The following TMEM161B variants were observed in gnomAD, a reference collection of about 807,000 sequenced individuals.
TMEM161B encodes the protein transmembrane protein 161B.
A neutral mutation model predicts 61.8 loss-of-function variants in TMEM161B; 34 were observed. The observed-to-expected ratio is 0.55, with a 90% CI of 0.42 to 0.73. The LOEUF is 0.73. Among genes scored for constraint, TMEM161B ranks in the 30% least tolerant of loss-of-function variants. The pLI is 0.00. For synonymous variants in TMEM161B, 167 were observed against 192.8 expected (o/e 0.87, Z 1.11); for missense variants, 456 against 558.5 (o/e 0.82, Z 1.85).
chr5:88,191,081 T>C (rs1279854429), downstream of TMEM161B, among the ~76,000 whole-genome samples: 2 of 152,252 alleles, frequency 1.3e-5, no homozygotes, highest in African/African-American at 2.4e-5. Flanking sequence ...ATTTATAATG[T>C]CTTCCTTGTC....
intron 1 of TMEM161B, among the ~76,000 whole-genome samples, chr5:88,262,864 T>G (rs1023884336): frequency 2.0e-5 from 3 of 152,188 alleles, no homozygotes; most frequent in Non-Finnish European, 4.4e-5. Flanking sequence ...CTCTTGTATC[T>G]TCCTCTTAAG....
chr5:88,221,596 C>G (rs191716496), intron 4 of TMEM161B: 14 of 422,714 alleles, frequency 3.3e-5, no homozygotes, highest in African/African-American at 2.9e-4. Flanking sequence ...TAAAACCATA[C>G]CCCTTCAACA....
At chr5:88,190,517 C>A (rs372291535), downstream of TMEM161B, among the ~76,000 whole-genome samples, 59 of 152,218 alleles carry the variant, frequency 3.9e-4, no homozygotes, top group South Asian at 0.011. Flanking sequence ...TAAGTAGGTA[C>A]AAGATCAGGT....
chr5:88,241,528 T>G (rs1752732731), intron 1 of TMEM161B, among the ~76,000 whole-genome samples: 1 of 151,900 alleles, frequency 6.6e-6, no homozygotes, highest in South Asian at 2.1e-4. Flanking sequence ...CTAAAAACAT[T>G]AGCTTGACAA....
In TMEM161B at chr5:88,219,585, A is replaced by G. The variant is rs145702391; in HGVS notation, c.446+978T>C. Reference sequence around the variant, plus strand: ...TAAAATGTCAGAAACCAGAAGAATAAAAAGAAAAAAGCTTCCAGAGGGTTT... The same window carrying G: ...TAAAATGTCAGAAACCAGAAGAATAGAAAGAAAAAAGCTTCCAGAGGGTTT... On this transcript the variant is annotated intron_variant, in intron 5 of 11. Transcript: ENST00000296595. Among the ~76,000 whole-genome samples the G allele has an allele frequency of 8.3e-3, 1,269 of 152,240 alleles. 10 individuals carry two copies. The highest frequency in any genetic ancestry group is 0.029 in the African/African-American group (1,202 of 41,542).
chr5:88,240,834 C>A lies in TMEM161B; in HGVS notation c.86G>T (p.Arg29Leu). 1.2e-6 allele frequency: 2 copies of A among 1,611,416 alleles called. No individual in the cohort carries two copies. The highest frequency in any genetic ancestry group is 1.7e-6 in the Non-Finnish European group (2 of 1,178,262). ...QKIIPHYSLA[R>L]WLLCNGSLRW... is the part of the protein sequence containing the mutation. ...TTACCTGCCATTACAGAGTAGCCAT[C>A]GAGCAAGAGAATAGTGAGGTATAAT... Residue 29 changes from arginine (R) to leucine (L), a missense_variant, in exon 2 of 12, where the codon CGA becomes CTA. This residue lies in a region of TMEM161B where 85 missense variants were observed against 111.2 expected (regional missense o/e 0.76). Transcript: ENST00000296595.
chr5:88,249,398 C>T (rs1289833499), intron 1 of TMEM161B, among the ~76,000 whole-genome samples: 2 of 152,164 alleles, frequency 1.3e-5, no homozygotes, highest in African/African-American at 4.8e-5. Flanking sequence ...CAAAGCATTT[C>T]TAACTGCACA....
Position 88,228,591 on chromosome 5 carries a change from T to C in TMEM161B, c.108-63A>G, listed in dbSNP as rs546648631. 610 of 1,136,910 alleles carry C rather than the reference T, an allele frequency of 5.4e-4. 12 individuals carry two copies. In the South Asian group the frequency reaches 8.5e-3, roughly 16 times the overall value. 70.4% of individuals were successfully genotyped at this position (1,136,910 alleles called of 1,614,324 possible). ...AAATCACCAGAATTATTCTTCATCCTATAAATATTTATTAAGTTTCATATT... is the reference window on the plus strand; with the variant it reads ...AAATCACCAGAATTATTCTTCATCCCATAAATATTTATTAAGTTTCATATT... On this transcript the variant is annotated intron_variant, in intron 2 of 11. Transcript: ENST00000296595.
intron 2 of TMEM161B, among the ~76,000 whole-genome samples, chr5:88,234,898 C>T (rs887368304): frequency 5.3e-5 from 8 of 152,028 alleles, no homozygotes; most frequent in African/African-American, 1.7e-4. Flanking sequence ...GATCCTGTCT[C>T]TAAGATAAAT....
At chr5:88,250,624 GA>G (rs1383851487) in intron 1 of TMEM161B, 2 of 152,190 alleles carry the variant, frequency 1.3e-5, no homozygotes, top group Non-Finnish European at 2.9e-5. Flanking sequence ...GAAGGAAGAG[GA>G]TGTTGGTAGT....
At chr5:88,205,792 C>T (rs1270802395) in intron 8 of TMEM161B, 22 bp downstream of exon 8, 3 of 1,610,296 alleles carry the variant, frequency 1.9e-6, no homozygotes, top group African/African-American at 2.7e-5. Context: ...TCTGCATGTG[C>T]TTATGTACAT....
exon 13 of TMEM161B, chr5:88,190,005 T>C (rs1272826606): frequency 1.4e-6 from 1 of 696,760 alleles, no homozygotes; most frequent in African/African-American, 1.7e-5. Context: ...CGCCAGCCCA[T>C]TATCTGAGCC....
chr5:88,259,187 T>C (rs1755371221), intron 1 of TMEM161B: 1 of 152,178 alleles, frequency 6.6e-6, no homozygotes, highest in South Asian at 2.1e-4. Flanking sequence ...TATTGTCTCT[T>C]TCCCCTAAAG....
downstream of TMEM161B, among the ~76,000 whole-genome samples, chr5:88,192,014 A>ATATG (rs1748985997): frequency 2.1e-5 from 2 of 93,788 alleles, no homozygotes; most frequent in African/African-American, 8.9e-5. Context: ...ATATATATAT[A>ATATG]TATATATATA....
downstream of TMEM161B, among the ~76,000 whole-genome samples, chr5:88,193,429 TA>T (rs1297600793): frequency 6.6e-6 from 1 of 152,158 alleles, no homozygotes; most frequent in African/African-American, 2.4e-5. Flanking sequence ...TTGGTTTACA[TA>T]AAGTACAAAC....
At chr5:88,192,175 T>C (rs757460235), downstream of TMEM161B, among the ~76,000 whole-genome samples, 17 of 149,656 alleles carry the variant, frequency 1.1e-4, no homozygotes, top group Non-Finnish European at 1.6e-4. Flanking sequence ...AGAAAATAAA[T>C]TGTCTTTCCC....
chr5:88,216,458 T>A (rs1036649054), intron 5 of TMEM161B, among the ~76,000 whole-genome samples: 3 of 152,236 alleles, frequency 2.0e-5, no homozygotes, highest in African/African-American at 7.2e-5. Context: ...CAGGAATATT[T>A]TATGTGCTTG....
chr5:88,186,981 A>G (rs77206329), downstream of TMEM161B, among the ~76,000 whole-genome samples: 283 of 152,314 alleles, frequency 1.9e-3, no homozygotes, highest in African/African-American at 6.0e-3. Flanking sequence ...TCTATCCACC[A>G]CTAATTGCCA....
At chr5:88,251,298 TGTTATCTGTAGGA>T (rs1276041115) in intron 1 of TMEM161B, among the ~76,000 whole-genome samples, 5 of 152,196 alleles carry the variant, frequency 3.3e-5, no homozygotes, top group South Asian at 2.1e-4. Context: ...ACAATAGTGA[TGTTATCTGTAGGA>T]GTAACTGGGG....
Sources: gnomAD v4.1 joint callset for allele counts (sites outside exome capture counted in the v4.1 genomes callset) on GRCh38, gnomAD v4.1.1 for gene constraint, gnomAD v4.1.1 regional missense constraint, MANE v1.5 for transcripts, NCBI Gene and HGNC (gene_info 2026-07-23, HGNC 2026-07-21) for gene names.